Variants in AKAP13 observed in about 807,000 individuals in gnomAD.
AKAP13 encodes the protein A-kinase anchoring protein 13.
Under a neutral mutation model 264.5 loss-of-function variants are expected in AKAP13, and 80 were observed. The observed-to-expected ratio is 0.30, with a 90% CI of 0.25 to 0.36. The LOEUF is 0.36. Ranked by LOEUF, AKAP13 falls within the 10% of genes least tolerant of loss-of-function variation. The pLI is 1.00. For missense variants in AKAP13, 3,712 were observed against 3,435.2 expected (o/e 1.08, Z -2.01); for synonymous variants, 1,380 against 1,250.2 (o/e 1.10, Z -2.19).
intron 16 of AKAP13, among the ~76,000 whole-genome samples, chr15:85,690,960 A>T (rs2085250069): frequency 6.6e-6 from 1 of 152,184 alleles, no homozygotes; most frequent in Admixed American, 6.5e-5. Flanking sequence ...ATACATGTAA[A>T]TTGCTTACTA....
chr15:85,660,352 C>CAAAAAAAAAAA (rs35636118), intron 12 of AKAP13, among the ~76,000 whole-genome samples: 1 of 68,544 alleles, frequency 1.5e-5, no homozygotes, highest in Non-Finnish European at 2.6e-5. Flanking sequence ...ATCTAAGTCT[C>CAAAAAAAAAAA]AAAAAAAAAA....
intron 5 of AKAP13, among the ~76,000 whole-genome samples, chr15:85,565,878 C>G (rs1333889368): frequency 2.0e-5 from 3 of 152,188 alleles, no homozygotes; most frequent in African/African-American, 7.2e-5. Flanking sequence ...AGTTTGAAAA[C>G]TAGTGTCTTA....
chr15:85,476,020 T>G (rs1215203879), intron 1 of AKAP13, among the ~76,000 whole-genome samples: 1 of 152,004 alleles, frequency 6.6e-6, no homozygotes, highest in African/African-American at 2.4e-5. Context: ...AGCACAAAAA[T>G]AAAAGAAAAA....
At chr15:85,646,386 C>G (rs560389352) in intron 10 of AKAP13, among the ~76,000 whole-genome samples, 1 of 152,248 alleles carries the variant, frequency 6.6e-6, no homozygotes, top group East Asian at 1.9e-4. Context: ...AAGTTCGCGC[C>G]ACTAAACTCT....
At chr15:85,484,601 G>A (rs188256224) in intron 1 of AKAP13, among the ~76,000 whole-genome samples, 1 of 152,194 alleles carries the variant, frequency 6.6e-6, no homozygotes, top group African/African-American at 2.4e-5. Flanking sequence ...GGCTGATGTA[G>A]ATTTTTTTCC....
chr15:85,749,046 G>A lies in AKAP13; in HGVS notation c.*4369G>A, dbSNP rs1389920116. 6.6e-6 allele frequency: 1 copy of A among 152,326 alleles called. No individual in the cohort carries two copies. Among genetic ancestry groups the A allele is most frequent in the Non-Finnish European group, 1.5e-5 (1 of 68,084 alleles). 9.4% of individuals were successfully genotyped at this position (152,326 alleles called of 1,614,324 possible). On this transcript the variant is annotated 3_prime_UTR_variant, in exon 37 of 37. Transcript: ENST00000394518. ...GCAGGGGAGGCGTGGGGATCCGCAG[G>A]AGGGTGGTTGGGATACACCGGATAC...
intron 15 of AKAP13, among the ~76,000 whole-genome samples, chr15:85,682,445 A>G (rs536084143): frequency 6.6e-6 from 1 of 152,266 alleles, no homozygotes; most frequent in East Asian, 1.9e-4. Context: ...GGTTGTATTT[A>G]TTGATGTGAG....
intron 16 of AKAP13, among the ~76,000 whole-genome samples, chr15:85,686,459 G>C (rs16943173): frequency 6.6e-6 from 1 of 152,082 alleles, no homozygotes; most frequent in African/African-American, 2.4e-5. Context: ...TCCACCAAAC[G>C]TGCCACAAGA....
intron 1 of AKAP13, among the ~76,000 whole-genome samples, chr15:85,439,382 C>G (rs985225080): frequency 1.3e-5 from 2 of 151,644 alleles, no homozygotes; most frequent in Non-Finnish European, 2.9e-5. Context: ...GGACTGTAAA[C>G]TAGTTCAACC....
intron 9 of AKAP13, among the ~76,000 whole-genome samples, chr15:85,640,887 G>A (rs338500): frequency 0.46 from 69,516 of 151,918 alleles, 16,273 homozygotes; most frequent in East Asian, 0.59. Context: ...ACCCCTGGAT[G>A]TTTTCCCCAG....
intron 17 of AKAP13, among the ~76,000 whole-genome samples, chr15:85,696,171 T>A (rs151258918): frequency 2.0e-5 from 3 of 152,342 alleles, no homozygotes; most frequent in Non-Finnish European, 2.9e-5. Context: ...TAGTATTGTC[T>A]TTGATTCATG....
At chr15:85,439,057 G>T (rs1420611889) in intron 1 of AKAP13, among the ~76,000 whole-genome samples, 1 of 150,268 alleles carries the variant, frequency 6.7e-6, no homozygotes, top group East Asian at 1.9e-4. Flanking sequence ...GAAAATTTTC[G>T]CAACCTACTC....
rs1049210205 is a variant in AKAP13, at chr15:85,647,681, C to T, written c.4374+1727C>T. On this transcript the variant is annotated intron_variant, in intron 10 of 36. Coordinates refer to ENST00000394518, the MANE Select transcript of AKAP13 (RefSeq NM_007200.5). Reference sequence around the variant, plus strand: ...ACATTTAGGACCGGGCGCAATGGCTCACGCCTGTAATCCCAGTACTTTGGG... The same window carrying T: ...ACATTTAGGACCGGGCGCAATGGCTTACGCCTGTAATCCCAGTACTTTGGG... Among the ~76,000 whole-genome samples the T allele has an allele frequency of 2.0e-5, 3 of 152,276 alleles. No homozygotes were observed. In the East Asian group the frequency reaches 5.8e-4, roughly 29 times the overall value.
intron 27 of AKAP13, among the ~76,000 whole-genome samples, chr15:85,726,695 A>G (rs2087635496): frequency 6.6e-6 from 1 of 152,154 alleles, no homozygotes; most frequent in Admixed American, 6.5e-5. Context: ...GTCTTCTTTT[A>G]GTGTCTTGGA....
At chr15:85,626,030 G>C (rs1240744618) in intron 8 of AKAP13, among the ~76,000 whole-genome samples, 1 of 152,202 alleles carries the variant, frequency 6.6e-6, no homozygotes, top group Non-Finnish European at 1.5e-5. Context: ...TGGTATTGCT[G>C]TTTCACAGGA....
intron 8 of AKAP13, among the ~76,000 whole-genome samples, chr15:85,618,493 C>G (rs1466405418): frequency 1.3e-5 from 2 of 151,602 alleles, no homozygotes; most frequent in Non-Finnish European, 1.5e-5. Context: ...TTCTTCACTC[C>G]TTTCTGCTTT....
At chr15:85,428,817 T>C (rs140913093) in intron 1 of AKAP13, among the ~76,000 whole-genome samples, 2 of 152,216 alleles carry the variant, frequency 1.3e-5, no homozygotes, top group Non-Finnish European at 2.9e-5. Context: ...GGTATTGGAA[T>C]GACCATCCAC....
rs2089401673 is a variant in AKAP13 at position 85,747,397 on chromosome 15, T to G, written c.*2720T>G. ...ATCACATGAGAAGGGGTTGTTTTTT[T>G]GGGGTGACTCGGACTGAATTCCCCA... is the stretch of plus-strand genomic sequence containing the variant. On this transcript the variant is annotated 3_prime_UTR_variant, in exon 37 of 37. Coordinates refer to ENST00000394518, the MANE Select transcript of AKAP13 (RefSeq NM_007200.5). The G allele has an allele frequency of 6.6e-6, 1 of 152,542 alleles. No homozygotes were observed. Among genetic ancestry groups the G allele is most frequent in the South Asian group, 2.1e-4 (1 of 4,824 alleles). 9.4% of individuals were successfully genotyped at this position (152,542 alleles called of 1,614,324 possible).
intron 8 of AKAP13, among the ~76,000 whole-genome samples, chr15:85,592,222 A>T (rs2079614168): frequency 6.6e-6 from 1 of 152,040 alleles, no homozygotes; most frequent in South Asian, 2.1e-4. Flanking sequence ...TCCTTTTATT[A>T]TATTTAATGG....
Sources: allele counts gnomAD v4.1 joint callset (sites outside exome capture counted in the v4.1 genomes callset), GRCh38; gene constraint gnomAD v4.1.1; transcripts MANE v1.5; gene names NCBI Gene and HGNC (gene_info 2026-07-23, HGNC 2026-07-21).